Variants in LAS1L observed in about 807,000 individuals in gnomAD.
LAS1L encodes the protein LAS1 like ribosome biogenesis factor.
Under a neutral mutation model 57.3 loss-of-function variants are expected in LAS1L, and 5 were observed. The observed-to-expected ratio is 0.09, with a 90% CI of 0.05 to 0.18. The LOEUF (loss-of-function observed/expected upper bound fraction) is 0.18. Among genes scored for constraint, LAS1L ranks in the 10% least tolerant of loss-of-function variants. LAS1L has a pLI of 1.00. For synonymous variants in LAS1L, 245 were observed against 231.7 expected (o/e 1.06, Z -0.52); for missense variants, 360 against 568.3 (o/e 0.63, Z 3.73).
At chrX:65,519,507 GAC>G (rs1340841749) in intron 11 of LAS1L, among the ~76,000 whole-genome samples, 1 of 111,944 alleles carries the variant, frequency 8.9e-6, no homozygotes, top group Non-Finnish European at 1.9e-5. Flanking sequence ...AGCTGTGAAG[GAC>G]ACACAGACAG....
chrX:65,524,006 C>A (rs2068993604), intron 10 of LAS1L, 50 bp downstream of exon 10: 1 of 1,108,478 alleles, frequency 9.0e-7, no homozygotes, highest in Non-Finnish European at 1.2e-6. Context: ...GTGGCAGAGG[C>A]TCCTGCCTGG....
chrX:65,515,100 C>A, intron 12 of LAS1L, 127 bp from the exon 13 acceptor site: 1 of 574,411 alleles, frequency 1.7e-6, no homozygotes, highest in Admixed American at 3.9e-5. Context: ...GGATCTCCAG[C>A]TTCACTGCTC....
intron 7 of LAS1L, among the ~76,000 whole-genome samples, chrX:65,526,814 A>C (rs185626808): frequency 2.3e-3 from 256 of 111,659 alleles, no homozygotes; most frequent in Middle Eastern, 0.018. Context: ...TACTTGAGAG[A>C]CAAGGAACTT....
chrX:65,524,544 C>T lies in LAS1L; in HGVS notation c.1093+20G>A. ...CAAAACAGAGATCTGGTTCTAGCTT[C>T]AGCTTTGTCAATAACTCACTGTGTG... is the stretch of plus-strand genomic sequence containing the variant. On this transcript the variant is annotated intron_variant, in intron 9 of 13. Transcript: ENST00000374811. 1 of 524,109 alleles carries T rather than the reference C, an allele frequency of 1.9e-6. No individual in the cohort carries two copies. The highest frequency in any genetic ancestry group is 2.5e-5 in the South Asian group (1 of 39,851). 43.2% of individuals were successfully genotyped at this position (524,109 alleles called of 1,213,427 possible).
intron 11 of LAS1L, chrX:65,521,729 A>T (rs1024976172): frequency 9.0e-6 from 1 of 111,545 alleles, no homozygotes; most frequent in African/African-American, 3.3e-5. Flanking sequence ...AGGAACTAGT[A>T]ATAAGCACAG....
At chrX:65,517,610 C>T (rs908555809) in intron 12 of LAS1L, among the ~76,000 whole-genome samples, 9 of 111,961 alleles carry the variant, frequency 8.0e-5, no homozygotes, top group African/African-American at 2.9e-4. Context: ...CAGCCAGCCT[C>T]AAGGCACACA....
chrX:65,520,269 A>G (rs2068799898), intron 11 of LAS1L, among the ~76,000 whole-genome samples: 1 of 111,882 alleles, frequency 8.9e-6, no homozygotes, highest in African/African-American at 3.3e-5. Flanking sequence ...CCCACCATCA[A>G]CAAATGTGTA....
Position 65,512,911 on chromosome X carries a change from G to C in LAS1L, c.2079-10C>G, listed in dbSNP as rs957695079. On this transcript the variant is annotated splice_polypyrimidine_tract_variant and intron_variant, in intron 13 of 13. Coordinates refer to ENST00000374811, the MANE Select transcript of LAS1L (RefSeq NM_031206.7). ...GCTCAGGCCCAAGGTGCTGAGGAGA[G>C]AGTGGGAGGTCAGTCAGGGAAGGAG... 8.6e-7 allele frequency: 1 copy of C among 1,160,238 alleles called. No individual in the cohort carries two copies. Among genetic ancestry groups the C allele is most frequent in the African/African-American group, 1.8e-5 (1 of 55,799 alleles).
rs370120927 is a variant in LAS1L, at chrX:65,518,043, C to T, written c.1871G>A (p.Arg624Lys). 3.3e-6 allele frequency: 4 copies of T among 1,210,390 alleles called. No individual in the cohort carries two copies. The highest frequency in any genetic ancestry group is 2.2e-5 in the Admixed American group (1 of 45,860). ...AGCTCCTCTTTTCTGGGCCAGAAGC[C>T]TAGCATTCTCGGCAGTGGGGGACTC... ...GQESPTAENARLLAQKRGALQ... is the reference protein window; with the variant it reads ...GQESPTAENAKLLAQKRGALQ... Residue 624 changes from arginine to lysine, a missense_variant, in exon 12 of 14, where the codon AGG becomes AAG. Transcript: ENST00000374811.
chrX:65,528,464 GCC>G, intron 6 of LAS1L, 95 bp from the exon 7 acceptor site: 1 of 511,704 alleles, frequency 2.0e-6, no homozygotes, highest in Non-Finnish European at 3.4e-6. Context: ...TCTCAGCACT[GCC>G]CTGCAGGGGA....
chrX:65,517,418 T>A (rs915379795), intron 12 of LAS1L, among the ~76,000 whole-genome samples: 20 of 109,533 alleles, frequency 1.8e-4, no homozygotes, highest in Non-Finnish European at 3.6e-4. Flanking sequence ...CAGCTAATTT[T>A]TTTTTTGTAT....
intron 11 of LAS1L, chrX:65,523,003 T>C (rs1361866630): frequency 8.9e-6 from 1 of 112,309 alleles, no homozygotes; most frequent in African/African-American, 3.2e-5. Flanking sequence ...CACAGGTATT[T>C]ACCAGTGCAA....
At chrX:65,521,051 G>A (rs774519902) in intron 11 of LAS1L, 3 of 751,827 alleles carry the variant, frequency 4.0e-6, no homozygotes, top group East Asian at 1.5e-4. Context: ...CTAGTCTGGA[G>A]CACACATCTG....
intron 6 of LAS1L, 33 bp from the exon 7 acceptor site, chrX:65,528,402 G>A: frequency 1.1e-6 from 1 of 921,146 alleles, no homozygotes; most frequent in Non-Finnish European, 1.5e-6. Flanking sequence ...CAGAAGGCTG[G>A]TTCAGCCAAG....
At chrX:65,517,439 G>A (rs2068686384) in intron 12 of LAS1L, among the ~76,000 whole-genome samples, 2 of 109,439 alleles carry the variant, frequency 1.8e-5, no homozygotes, top group South Asian at 7.9e-4. Flanking sequence ...TTTTAGTAGA[G>A]ACACGGTTTC....
At chrX:65,527,353 T>C (rs1262416360) in intron 7 of LAS1L, among the ~76,000 whole-genome samples, 2 of 105,182 alleles carry the variant, frequency 1.9e-5, no homozygotes, top group African/African-American at 6.9e-5. Context: ...CTGGGCAACA[T>C]GGTGAGACCC....
At chrX:65,528,899 C>T (rs1283119846) in intron 6 of LAS1L, among the ~76,000 whole-genome samples, 2 of 112,066 alleles carry the variant, frequency 1.8e-5, no homozygotes, top group Non-Finnish European at 3.8e-5. Context: ...GCTCTTGGGC[C>T]CCATCTACTG....
intron 7 of LAS1L, among the ~76,000 whole-genome samples, chrX:65,527,990 CGACA>C (rs1177380626): frequency 8.9e-6 from 1 of 111,901 alleles, no homozygotes; most frequent in Non-Finnish European, 1.9e-5. Context: ...ACATGCCACC[CGACA>C]GACAGGAAAG....
intron 7 of LAS1L, among the ~76,000 whole-genome samples, chrX:65,527,286 A>G (rs1214038194): frequency 3.1e-5 from 3 of 97,762 alleles, no homozygotes; most frequent in Non-Finnish European, 6.1e-5. Context: ...CTGTGATCCC[A>G]GCACTTTGGG....
Sources: gnomAD v4.1 joint callset for allele counts (sites outside exome capture counted in the v4.1 genomes callset) on GRCh38, gnomAD v4.1.1 for gene constraint, MANE v1.5 for transcripts, NCBI Gene and HGNC (gene_info 2026-07-23, HGNC 2026-07-21) for gene names.